The following JPH1 variants were observed in gnomAD, a reference collection of about 807,000 sequenced individuals.
The protein encoded by JPH1 is junctophilin 1, also known as junctophilin-1.
JPH1 carries 12 observed loss-of-function variants against 53.6 expected under a neutral mutation model. The ratio of observed to expected loss-of-function variants is 0.22; its 90% confidence interval spans 0.14 to 0.36. The LOEUF (loss-of-function observed/expected upper bound fraction) is 0.36. JPH1 is among the 10% of genes least tolerant of loss of function. The pLI, the probability that JPH1 is intolerant of heterozygous loss-of-function variation, is 1.00. For missense variants in JPH1, 808 were observed against 905.5 expected, an observed-to-expected ratio of 0.89 and a Z score of 1.38; for synonymous variants, 375 against 363.8, an observed-to-expected ratio of 1.03 and a Z score of -0.35.
In JPH1 at chr8:74,310,945, CTGAATG is replaced by C. The variant is rs1235848333; in HGVS notation, c.1139+3910_1139+3915del. The stretch of plus-strand genomic sequence containing the variant: ...TTGGGTAGAGCCTCAGTCCCTGCCT[CTGAATG>C]TGAGGGGCTTGGACGAGATGCGCTC... On this transcript the variant is annotated intron_variant, in intron 2 of 5. Transcript: ENST00000342232. Among the ~76,000 whole-genome samples, 6 of 152,326 alleles carry C rather than the reference CTGAATG, an allele frequency of 3.9e-5. No homozygotes were observed. In the South Asian group the frequency reaches 1.2e-3, roughly 32 times the overall value.
At chr8:74,251,329 G>A (rs1806052916) in intron 3 of JPH1, among the ~76,000 whole-genome samples, 1 of 152,126 alleles carries the variant, frequency 6.6e-6, no homozygotes, top group African/African-American at 2.4e-5. Flanking sequence ...AGGAAATCCT[G>A]TGGTTCTTAA....
At chr8:74,293,566 T>C (rs1447837713) in intron 2 of JPH1, among the ~76,000 whole-genome samples, 5 of 152,206 alleles carry the variant, frequency 3.3e-5, no homozygotes, top group Admixed American at 2.6e-4. Flanking sequence ...TACCCCATCA[T>C]GCAGAAATAT....
At chr8:74,253,701 C>T (rs1032265956) in intron 3 of JPH1, among the ~76,000 whole-genome samples, 4 of 151,994 alleles carry the variant, frequency 2.6e-5, no homozygotes, top group Non-Finnish European at 5.9e-5. Flanking sequence ...TAAAAAATGA[C>T]AAAGGGGATA....
intron 2 of JPH1, among the ~76,000 whole-genome samples, chr8:74,300,932 C>T (rs1807663455): frequency 6.6e-6 from 1 of 152,070 alleles, no homozygotes; most frequent in South Asian, 2.1e-4. Context: ...GCCTTACTGG[C>T]CCCCCGCCCC....
In JPH1 at chr8:74,321,397, G is replaced by A; in HGVS notation, c.-110C>T. 9.3e-7 allele frequency: 1 copy of A among 1,074,144 alleles called. No homozygotes were observed. Among genetic ancestry groups the A allele is most frequent in the Non-Finnish European group, 1.2e-6 (1 of 808,724 alleles). The allele number at this position is 1,074,144 out of a possible 1,614,324, so 66.5% of individuals were successfully genotyped here. A position where few individuals can be genotyped will look rare whatever the true frequency, so the allele number is the denominator to read the frequency against. On this transcript the variant is annotated 5_prime_UTR_variant, in exon 1 of 6. Coordinates refer to ENST00000342232, the MANE Select transcript of JPH1 (RefSeq NM_020647.4). The surrounding 1 kb of genome is among the most constrained non-coding windows in gnomAD (Gnocchi z 4.3). ...GCCCGGCGGGCGAGCTCACGACAGC[G>A]CCCTGGGCAGCTCGCGCTGCCGCTC...
At chr8:74,262,779 C>T (rs1806428829) in intron 2 of JPH1, among the ~76,000 whole-genome samples, 1 of 152,162 alleles carries the variant, frequency 6.6e-6, no homozygotes, top group Non-Finnish European at 1.5e-5. Context: ...GCTGGGGAGA[C>T]CTGGGGAGCT....
At chr8:74,314,254 T>C (rs930196146) in intron 2 of JPH1, among the ~76,000 whole-genome samples, 18 of 152,362 alleles carry the variant, frequency 1.2e-4, no homozygotes, top group Non-Finnish European at 2.5e-4. Flanking sequence ...CATGTAGCTG[T>C]TGTTTTTAAC....
At chr8:74,279,712 A>G (rs1045716853) in intron 2 of JPH1, among the ~76,000 whole-genome samples, 7 of 152,192 alleles carry the variant, frequency 4.6e-5, no homozygotes, top group Non-Finnish European at 8.8e-5. Flanking sequence ...TTGCTATAAA[A>G]GCAGATAAAA....
At chr8:74,252,192 C>T (rs1004694038) in intron 3 of JPH1, among the ~76,000 whole-genome samples, 1 of 152,042 alleles carries the variant, frequency 6.6e-6, no homozygotes, top group African/African-American at 2.4e-5. Flanking sequence ...TAAAGACTTA[C>T]ATGTTAGACC....
At chr8:74,307,135 C>T (rs1026416216) in intron 2 of JPH1, among the ~76,000 whole-genome samples, 2 of 152,184 alleles carry the variant, frequency 1.3e-5, no homozygotes, top group African/African-American at 4.8e-5. Context: ...TATCCCCATT[C>T]CTGCTTCCCA....
chr8:74,295,930 C>A (rs894274630), intron 2 of JPH1, among the ~76,000 whole-genome samples: 1 of 151,994 alleles, frequency 6.6e-6, no homozygotes, highest in Non-Finnish European at 1.5e-5. Flanking sequence ...CCTGTGAAAT[C>A]ACTATCACTA....
At position 74,304,944 on chromosome 8, in the gene JPH1, T is replaced by A. The variant is rs527805173; in HGVS notation, c.1139+9917A>T. The stretch of plus-strand genomic sequence containing the variant: ...TTGATTCCTTACATATTAATTAAAT[T>A]TTTGAGAAAGCAGCTTATTTTGAAT... On this transcript the variant is annotated intron_variant, in intron 2 of 5. Coordinates refer to ENST00000342232, the MANE Select transcript of JPH1 (RefSeq NM_020647.4). Among the ~76,000 whole-genome samples the A allele has an allele frequency of 3.9e-5, 6 of 152,332 alleles. No individual in the cohort carries two copies. In the South Asian group the frequency reaches 1.2e-3, roughly 32 times the overall value.
At chr8:74,265,204 T>A (rs1471653707) in intron 2 of JPH1, among the ~76,000 whole-genome samples, 1 of 152,188 alleles carries the variant, frequency 6.6e-6, no homozygotes, top group Admixed American at 6.5e-5. Context: ...CCCCCTGCAG[T>A]GTGTTCATGC....
intron 2 of JPH1, among the ~76,000 whole-genome samples, chr8:74,298,288 TCCTTAGAACGTTAACTC>T (rs1006250447): frequency 3.6e-4 from 55 of 152,348 alleles, no homozygotes; most frequent in Middle Eastern, 3.4e-3. Context: ...TGTACTCACA[TCCTTAGAACGTTAACTC>T]CCTTGTATAC....
intron 2 of JPH1, among the ~76,000 whole-genome samples, chr8:74,302,817 G>A (rs1238355831): frequency 6.6e-6 from 1 of 152,150 alleles, no homozygotes; most frequent in Non-Finnish European, 1.5e-5. Context: ...GACAGGTTTT[G>A]TTTCTTATTC....
At chr8:74,255,866 G>A (rs1249836455) in intron 3 of JPH1, among the ~76,000 whole-genome samples, 3 of 152,140 alleles carry the variant, frequency 2.0e-5, no homozygotes, top group Non-Finnish European at 1.5e-5. Context: ...CAGTTAGAAT[G>A]GCGATCATTA....
intron 3 of JPH1, among the ~76,000 whole-genome samples, chr8:74,252,419 C>T (rs1352559864): frequency 2.6e-5 from 4 of 152,102 alleles, no homozygotes; most frequent in African/African-American, 9.7e-5. Flanking sequence ...TTACAATCTA[C>T]TCATCTGACA....
chr8:74,289,034 G>C (rs928795859), intron 2 of JPH1, among the ~76,000 whole-genome samples: 2 of 152,194 alleles, frequency 1.3e-5, no homozygotes, highest in Non-Finnish European at 2.9e-5. Context: ...TCACCCATCT[G>C]TGAAGGGAGT....
chr8:74,318,468 A>T (rs958933978), intron 1 of JPH1, among the ~76,000 whole-genome samples: 1 of 152,240 alleles, frequency 6.6e-6, no homozygotes, highest in African/African-American at 2.4e-5. Flanking sequence ...GACAAGTGAA[A>T]AAACAAAGTA....
Sources: allele counts gnomAD v4.1 joint callset (sites outside exome capture counted in the v4.1 genomes callset), GRCh38; gene constraint gnomAD v4.1.1; non-coding constraint Gnocchi (gnomAD v3.1); transcripts MANE v1.5; gene names NCBI Gene and HGNC (gene_info 2026-07-23, HGNC 2026-07-21).